The following MACROD2 variants were observed in gnomAD, a reference collection of about 807,000 sequenced individuals.
The protein encoded by MACROD2 is ADP-ribose glycohydrolase MACROD2.
In MACROD2, 36 loss-of-function variants were observed where a neutral mutation model predicts 70.4. The ratio of observed to expected loss-of-function variants is 0.51; its 90% CI spans 0.39 to 0.68. The LOEUF (loss-of-function observed/expected upper bound fraction) is 0.68, where lower values mean the gene tolerates loss of function less well. Among genes scored for constraint, MACROD2 ranks in the 30% least tolerant of loss-of-function variants. The pLI, the probability that MACROD2 is intolerant of heterozygous loss-of-function variation, is 0.00. For synonymous variants in MACROD2, 172 were observed against 178.8 expected (o/e 0.96, Z 0.30); for missense variants, 496 against 538.4 (o/e 0.92, Z 0.78).
intron 5 of MACROD2, among the ~76,000 whole-genome samples, chr20:15,181,263 G>A (rs192815791): frequency 2.6e-5 from 4 of 152,282 alleles, no homozygotes; most frequent in Admixed American, 6.5e-5. Flanking sequence ...AAGAAACCTC[G>A]TATAAAGTGG....
intron 6 of MACROD2, among the ~76,000 whole-genome samples, chr20:15,395,082 G>A (rs1439467554): frequency 6.6e-6 from 1 of 152,128 alleles, no homozygotes; most frequent in Non-Finnish European, 1.5e-5. Flanking sequence ...AGGAGAGAGG[G>A]TAAATGAAAG....
chr20:15,557,138 T>G (rs1162230173), intron 8 of MACROD2, among the ~76,000 whole-genome samples: 1 of 152,010 alleles, frequency 6.6e-6, no homozygotes, highest in African/African-American at 2.4e-5. Context: ...AAAATTCACT[T>G]CTCTGCATTT....
intron 8 of MACROD2, among the ~76,000 whole-genome samples, chr20:15,765,371 A>G (rs2051505484): frequency 6.6e-6 from 1 of 152,162 alleles, no homozygotes; most frequent in Non-Finnish European, 1.5e-5. Context: ...TTGCCTTATA[A>G]ACAACAAACA....
chr20:15,601,561 A>G (rs575861514), intron 8 of MACROD2, among the ~76,000 whole-genome samples: 4 of 152,344 alleles, frequency 2.6e-5, no homozygotes, highest in African/African-American at 9.6e-5. Context: ...CCATCCCAGG[A>G]TAAGAGTTCT....
chr20:14,876,242 T>G (rs1214244960), intron 5 of MACROD2, among the ~76,000 whole-genome samples: 3 of 70,442 alleles, frequency 4.3e-5, no homozygotes, highest in African/African-American at 2.1e-4. Flanking sequence ...GATCTTTTTT[T>G]CATATTTTTT....
At chr20:15,197,911 G>C (rs921607298) in intron 5 of MACROD2, among the ~76,000 whole-genome samples, 1 of 147,616 alleles carries the variant, frequency 6.8e-6, no homozygotes, top group African/African-American at 2.5e-5. Flanking sequence ...TGCCCAGCCT[G>C]GTCTTGAACT....
At chr20:13,996,611 C>T (rs888053659) in intron 1 of MACROD2, among the ~76,000 whole-genome samples, 23 of 152,202 alleles carry the variant, frequency 1.5e-4, no homozygotes, top group Admixed American at 5.2e-4. Flanking sequence ...TTGACAGTGG[C>T]ACTGATTCTT....
intron 3 of MACROD2, chr20:14,352,555 T>C (rs1464030185): frequency 6.6e-6 from 1 of 152,142 alleles, no homozygotes; most frequent in East Asian, 1.9e-4. Flanking sequence ...AATTACAAGA[T>C]TGCCCTCCAG....
intron 3 of MACROD2, among the ~76,000 whole-genome samples, chr20:14,242,065 C>T (rs751745383): frequency 3.2e-4 from 49 of 152,120 alleles, no homozygotes; most frequent in Non-Finnish European, 5.9e-4. Flanking sequence ...GGTCATGTAA[C>T]TAAAATTGTA....
intron 3 of MACROD2, among the ~76,000 whole-genome samples, chr20:14,290,800 C>A (rs375786073): frequency 6.6e-6 from 1 of 152,224 alleles, no homozygotes; most frequent in African/African-American, 2.4e-5. Flanking sequence ...TGAGCCACTG[C>A]GCCCAGCTGG....
chr20:14,610,124 A>C (rs910570882), intron 4 of MACROD2, among the ~76,000 whole-genome samples: 1 of 152,144 alleles, frequency 6.6e-6, no homozygotes, highest in African/African-American at 2.4e-5. Flanking sequence ...CAAACAAATA[A>C]ATGAGCAACA....
intron 5 of MACROD2, among the ~76,000 whole-genome samples, chr20:14,967,168 C>T (rs888382127): frequency 6.6e-6 from 1 of 152,076 alleles, no homozygotes; most frequent in Non-Finnish European, 1.5e-5. Context: ...AAATCAATTT[C>T]TTTCTAAATG....
intron 17 of MACROD2, among the ~76,000 whole-genome samples, chr20:16,046,940 C>T (rs539396264): frequency 3.3e-4 from 50 of 152,108 alleles, no homozygotes; most frequent in Non-Finnish European, 4.4e-5. Context: ...CCTCGGCCTC[C>T]CAAAGTGCTG....
At chr20:14,266,298 A>G (rs952749047) in intron 3 of MACROD2, among the ~76,000 whole-genome samples, 1 of 152,136 alleles carries the variant, frequency 6.6e-6, no homozygotes, top group African/African-American at 2.4e-5. Context: ...AATGATACCA[A>G]TAGTCTCTTT....
intron 5 of MACROD2, among the ~76,000 whole-genome samples, chr20:14,989,403 A>T (rs1220897973): frequency 3.3e-5 from 5 of 152,192 alleles, no homozygotes; most frequent in African/African-American, 1.2e-4. Context: ...AATGAATTCA[A>T]GGATGAGTTG....
intron 5 of MACROD2, among the ~76,000 whole-genome samples, chr20:14,693,969 TACTC>T (rs770656309): frequency 6.6e-5 from 10 of 152,172 alleles, no homozygotes; most frequent in African/African-American, 1.2e-4. Flanking sequence ...ATTGAGTACT[TACTC>T]ACAGCTAGAG....
chr20:15,157,710 G>C (rs1168821496), intron 5 of MACROD2, among the ~76,000 whole-genome samples: 1 of 152,002 alleles, frequency 6.6e-6, no homozygotes, highest in Non-Finnish European at 1.5e-5. Context: ...TATCACCTGG[G>C]CTACCCCAGC....
At chr20:14,132,997 CAT>C (rs745738860) in intron 3 of MACROD2, among the ~76,000 whole-genome samples, 55 of 151,586 alleles carry the variant, frequency 3.6e-4, no homozygotes, top group Non-Finnish European at 5.6e-4. Context: ...AGAAACATAA[CAT>C]ATGTGTGTGT....
intron 5 of MACROD2, among the ~76,000 whole-genome samples, chr20:14,800,886 G>A (rs1317740001): frequency 1.3e-5 from 2 of 150,926 alleles, no homozygotes; most frequent in African/African-American, 4.8e-5. Flanking sequence ...CAGCTTGGAT[G>A]GTGGGTTTGA....
Sources: gnomAD v4.1 joint callset for allele counts (sites outside exome capture counted in the v4.1 genomes callset) on GRCh38, gnomAD v4.1.1 for gene constraint, MANE v1.5 for transcripts, NCBI Gene and HGNC (gene_info 2026-07-23, HGNC 2026-07-21) for gene names.